Variants in AGBL4 observed in about 807,000 individuals in gnomAD.
The protein encoded by AGBL4 is AGBL carboxypeptidase 4.
A neutral mutation model predicts 66.4 loss-of-function variants in AGBL4; 58 were observed. The ratio of observed to expected loss-of-function variants is 0.87; its 90% confidence interval spans 0.71 to 1.09. The LOEUF is 1.09. AGBL4 is among the 50% of genes least tolerant of loss of function. The pLI is 0.00. For missense variants in AGBL4, 579 were observed against 631.0 expected (o/e 0.92, Z 0.88); for synonymous variants, 234 against 222.9 (o/e 1.05, Z -0.44).
intron 6 of AGBL4, among the ~76,000 whole-genome samples, chr1:48,737,030 T>C (rs1649168449): frequency 6.6e-6 from 1 of 152,154 alleles, no homozygotes; most frequent in Non-Finnish European, 1.5e-5. Context: ...ACACCTGTAA[T>C]CCCAGCACTT....
At chr1:49,016,502 C>T (rs548644274) in intron 5 of AGBL4, among the ~76,000 whole-genome samples, 47 of 152,170 alleles carry the variant, frequency 3.1e-4, no homozygotes, top group African/African-American at 1.1e-3. Flanking sequence ...TTGAGAGTGC[C>T]GGAGTTTTGA....
chr1:48,847,380 C>T, intron 6 of AGBL4, among the ~76,000 whole-genome samples: 1 of 137,124 alleles, frequency 7.3e-6, no homozygotes, highest in South Asian at 2.4e-4. Flanking sequence ...AAAGAAGGCA[C>T]TTTCATAAAG....
intron 5 of AGBL4, among the ~76,000 whole-genome samples, chr1:48,886,561 T>G (rs1217592600): frequency 6.6e-6 from 1 of 152,148 alleles, no homozygotes; most frequent in Non-Finnish European, 1.5e-5. Flanking sequence ...TTTTTATTTA[T>G]TATTTTTTTG....
chr1:49,526,008 C>T (rs1241363458), intron 3 of AGBL4, among the ~76,000 whole-genome samples: 1 of 151,836 alleles, frequency 6.6e-6, no homozygotes, highest in Non-Finnish European at 1.5e-5. Flanking sequence ...AGGAGAATGG[C>T]GTGAACCCTG....
At chr1:49,426,503 T>A (rs1645662520) in intron 3 of AGBL4, among the ~76,000 whole-genome samples, 1 of 152,106 alleles carries the variant, frequency 6.6e-6, no homozygotes, top group Non-Finnish European at 1.5e-5. Flanking sequence ...GGCAATAATA[T>A]TAATAATAAT....
chr1:49,516,481 T>C (rs545750160), intron 3 of AGBL4, among the ~76,000 whole-genome samples: 6 of 152,176 alleles, frequency 3.9e-5, no homozygotes, highest in African/African-American at 9.6e-5. Context: ...AGAAACATCA[T>C]TGCATGTACA....
intron 2 of AGBL4, among the ~76,000 whole-genome samples, chr1:49,802,545 C>T (rs759203333): frequency 3.3e-5 from 5 of 152,126 alleles, no homozygotes; most frequent in Non-Finnish European, 5.9e-5. Context: ...ATTATAAATT[C>T]TTATCTCTGT....
chr1:49,848,040 C>G (rs1646199918), intron 2 of AGBL4, among the ~76,000 whole-genome samples: 1 of 151,912 alleles, frequency 6.6e-6, no homozygotes. Flanking sequence ...TTAAGCATCA[C>G]AGAAATGCAA....
At chr1:49,942,709 C>T (rs1557602784) in intron 1 of AGBL4, among the ~76,000 whole-genome samples, 1 of 152,078 alleles carries the variant, frequency 6.6e-6, no homozygotes, top group African/African-American at 2.4e-5. Context: ...CTTAAACATA[C>T]AATGTGAAAC....
intron 3 of AGBL4, among the ~76,000 whole-genome samples, chr1:49,248,085 T>G (rs1651784337): frequency 6.6e-6 from 1 of 152,188 alleles, no homozygotes; most frequent in Non-Finnish European, 1.5e-5. Context: ...GTGGAGAGAT[T>G]CAAAATTATA....
intron 3 of AGBL4, among the ~76,000 whole-genome samples, chr1:49,580,911 T>A (rs780234985): frequency 5.3e-5 from 8 of 152,226 alleles, no homozygotes; most frequent in Non-Finnish European, 1.2e-4. Context: ...CTAAATCTCT[T>A]ACTAGACTTG....
At chr1:49,859,676 T>TA (rs1193633809) in intron 1 of AGBL4, among the ~76,000 whole-genome samples, 2 of 152,080 alleles carry the variant, frequency 1.3e-5, no homozygotes, top group Non-Finnish European at 2.9e-5. Context: ...TGTGAAAGAC[T>TA]AAAAATTACC....
rs527746515 is a variant in AGBL4 at position 49,075,916 on chromosome 1, T to C, written c.378-30116A>G. Reference sequence around the variant, plus strand: ...TAGATCTTATATGCTCTTTTGAAAATTAAGAAATCAACAAACTGTTGGGTA... The same window carrying C: ...TAGATCTTATATGCTCTTTTGAAAACTAAGAAATCAACAAACTGTTGGGTA... On this transcript the variant is annotated intron_variant, in intron 4 of 13. Transcript: ENST00000371839. 2.0e-5 allele frequency among the ~76,000 whole-genome samples: 3 copies of C among 152,252 alleles called. No individual in the cohort carries two copies. In the South Asian group the frequency reaches 6.2e-4, roughly 32 times the overall value.
intron 3 of AGBL4, among the ~76,000 whole-genome samples, chr1:49,508,241 A>G (rs1648875334): frequency 1.3e-5 from 2 of 152,002 alleles, no homozygotes; most frequent in African/African-American, 4.8e-5. Context: ...CAATCCTCCA[A>G]TCTCTTTTTC....
intron 2 of AGBL4, among the ~76,000 whole-genome samples, chr1:49,738,262 C>T (rs934414923): frequency 7.9e-5 from 12 of 152,336 alleles, no homozygotes; most frequent in African/African-American, 2.9e-4. Flanking sequence ...AGATTGTATC[C>T]CGTGCCTGGA....
At chr1:49,315,016 G>A (rs1645013623) in intron 3 of AGBL4, among the ~76,000 whole-genome samples, 1 of 151,818 alleles carries the variant, frequency 6.6e-6, no homozygotes, top group South Asian at 2.1e-4. Flanking sequence ...TACACTACAA[G>A]ACTACAGTAA....
intron 4 of AGBL4, among the ~76,000 whole-genome samples, chr1:49,099,743 G>T (rs1645167529): frequency 6.6e-6 from 1 of 151,986 alleles, no homozygotes; most frequent in African/African-American, 2.4e-5. Flanking sequence ...TATCCCTAGG[G>T]TCTAGGACTT....
intron 9 of AGBL4, among the ~76,000 whole-genome samples, chr1:48,603,815 G>C (rs1204693166): frequency 6.6e-6 from 1 of 151,446 alleles, no homozygotes; most frequent in African/African-American, 2.4e-5. Context: ...TAAAGCAAGG[G>C]CTAGCTAGGA....
At chr1:49,068,192 G>C (rs1015994979) in intron 4 of AGBL4, among the ~76,000 whole-genome samples, 1 of 151,764 alleles carries the variant, frequency 6.6e-6, no homozygotes, top group African/African-American at 2.4e-5. Context: ...ACCAAATAAT[G>C]GTTCATTTTC....
Sources: gnomAD v4.1 joint callset for allele counts (sites outside exome capture counted in the v4.1 genomes callset) on GRCh38, gnomAD v4.1.1 for gene constraint, MANE v1.5 for transcripts, NCBI Gene and HGNC (gene_info 2026-07-23, HGNC 2026-07-21) for gene names.